CPEB1: variants seen among roughly 807,000 people sequenced by gnomAD.
CPEB1 encodes cytoplasmic polyadenylation element-binding protein 1.
CPEB1 carries 7 observed loss-of-function variants against 65.8 expected under a neutral mutation model. That is an observed-to-expected ratio of 0.11 (90% CI 0.06 to 0.20). The LOEUF (loss-of-function observed/expected upper bound fraction) is 0.20. Ranked by LOEUF, CPEB1 falls within the 10% of genes least tolerant of loss-of-function variation. CPEB1 has a pLI of 1.00. For synonymous variants in CPEB1, 262 were observed against 260.0 expected (o/e 1.01, Z -0.08); for missense variants, 551 against 712.2 (o/e 0.77, Z 2.58).
At chr15:82,637,482 C>T (rs1482645530) in intron 1 of CPEB1, among the ~76,000 whole-genome samples, 1 of 152,148 alleles carries the variant, frequency 6.6e-6, no homozygotes, top group Admixed American at 6.5e-5. Flanking sequence ...CCTGCTCTTC[C>T]CTCTAGTAGC....
intron 3 of CPEB1, among the ~76,000 whole-genome samples, chr15:82,620,960 C>A (rs888776417): frequency 6.6e-6 from 1 of 152,202 alleles, no homozygotes; most frequent in African/African-American, 2.4e-5. Flanking sequence ...TACACTCATA[C>A]TTTTCTGTAA....
rs2037614039 is a variant in CPEB1 at position 82,558,455 on chromosome 15, T to G, written c.461-469A>C. ...TTCAGGCCACACCCCAGAAATCTGGTATAGCATAAGCATACCACCTCATGT... is the reference window on the plus strand; with the variant it reads ...TTCAGGCCACACCCCAGAAATCTGGGATAGCATAAGCATACCACCTCATGT... On this transcript the variant is annotated intron_variant, in intron 4 of 12. Transcript: ENST00000684509. Among the ~76,000 whole-genome samples, 5 of 152,220 alleles carry G rather than the reference T, an allele frequency of 3.3e-5. No individual in the cohort carries two copies. The South Asian group carries it at 1.0e-3, about 31-fold the overall frequency.
At chr15:82,628,683 C>T (rs2045978574) in intron 1 of CPEB1, 127 bp from the exon 2 acceptor site, 1 of 531,448 alleles carries the variant, frequency 1.9e-6, no homozygotes, top group Non-Finnish European at 3.3e-6. Flanking sequence ...CTCCTTACAT[C>T]CGCTCCACAT....
chr15:82,574,666 T>C (rs2040443396), intron 3 of CPEB1, among the ~76,000 whole-genome samples: 1 of 134,216 alleles, frequency 7.5e-6, no homozygotes, highest in Non-Finnish European at 1.5e-5. Flanking sequence ...GAGGTTGCAG[T>C]GAGCCAAGAT....
chr15:82,647,865 C>A, upstream of CPEB1: 1 of 1,267,578 alleles, frequency 7.9e-7, no homozygotes. Context: ...CCAGCGGGAA[C>A]GCCATGGGGC....
At chr15:82,591,258 G>GT (rs112697801) in intron 3 of CPEB1, among the ~76,000 whole-genome samples, 1,859 of 152,138 alleles carry the variant, frequency 0.012, 35 homozygotes, top group African/African-American at 0.041. Context: ...ATTTTCATTT[G>GT]TTTTTTGTTT....
At chr15:82,586,743 T>C (rs982104579) in intron 3 of CPEB1, among the ~76,000 whole-genome samples, 2 of 151,986 alleles carry the variant, frequency 1.3e-5, no homozygotes, top group Non-Finnish European at 2.9e-5. Context: ...GATTCACACA[T>C]ACAGTGCACA....
At chr15:82,579,168 A>C (rs2040973816) in intron 3 of CPEB1, among the ~76,000 whole-genome samples, 1 of 152,166 alleles carries the variant, frequency 6.6e-6, no homozygotes, top group African/African-American at 2.4e-5. Context: ...ATGTCATTAA[A>C]AACTATTTCC....
upstream of CPEB1, chr15:82,647,961 G>A (rs1166715765): frequency 4.7e-6 from 5 of 1,053,816 alleles, no homozygotes; most frequent in South Asian, 4.7e-5. Context: ...TTTTGCAGCG[G>A]GCCGCGCGCA....
intron 3 of CPEB1, among the ~76,000 whole-genome samples, chr15:82,600,614 AT>A (rs2043022024): frequency 6.6e-6 from 1 of 152,206 alleles, no homozygotes; most frequent in African/African-American, 2.4e-5. Context: ...AGGTCCTTGC[AT>A]TTTCTAGGAC....
chr15:82,587,049 C>A (rs567618618), intron 3 of CPEB1, among the ~76,000 whole-genome samples: 1 of 152,142 alleles, frequency 6.6e-6, no homozygotes, highest in Non-Finnish European at 1.5e-5. Flanking sequence ...GGAAATTCAA[C>A]ATAGGAAAAG....
intron 1 of CPEB1, among the ~76,000 whole-genome samples, chr15:82,644,870 T>C (rs587632999): frequency 6.6e-6 from 1 of 152,372 alleles, no homozygotes; most frequent in Admixed American, 6.5e-5. Flanking sequence ...ACTAGTTAAG[T>C]TTGGTGCTGA....
chr15:82,636,214 T>C (rs1378504895), intron 1 of CPEB1, among the ~76,000 whole-genome samples: 7 of 152,178 alleles, frequency 4.6e-5, no homozygotes, highest in African/African-American at 1.7e-4. Context: ...ATATGATCTT[T>C]ATTTAACTTC....
chr15:82,584,560 C>T (rs28535127), intron 3 of CPEB1, among the ~76,000 whole-genome samples: 1 of 151,616 alleles, frequency 6.6e-6, no homozygotes, highest in Non-Finnish European at 1.5e-5. Flanking sequence ...CACCTGTAAT[C>T]TCAGCTACTC....
At chr15:82,631,475 T>A (rs1261736616) in intron 1 of CPEB1, among the ~76,000 whole-genome samples, 1 of 152,100 alleles carries the variant, frequency 6.6e-6, no homozygotes, top group Non-Finnish European at 1.5e-5. Flanking sequence ...TCTACTACTC[T>A]CCTTTGTGTA....
chr15:82,580,209 T>G (rs1380649163), intron 3 of CPEB1, among the ~76,000 whole-genome samples: 1 of 151,470 alleles, frequency 6.6e-6, no homozygotes, highest in East Asian at 1.9e-4. Flanking sequence ...TAGTCCCAGT[T>G]GCTCGAGAGG....
intron 1 of CPEB1, among the ~76,000 whole-genome samples, chr15:82,645,159 T>C (rs1012445123): frequency 2.6e-5 from 4 of 152,170 alleles, no homozygotes; most frequent in Non-Finnish European, 5.9e-5. Context: ...AACCAAGTTT[T>C]GTTTTGTTTT....
chr15:82,603,359 A>C (rs2567631), intron 3 of CPEB1, among the ~76,000 whole-genome samples: 1 of 138,366 alleles, frequency 7.2e-6, no homozygotes, highest in Non-Finnish European at 1.6e-5. Flanking sequence ...GGGAAAGTTT[A>C]TTTAAAAAAA....
intron 1 of CPEB1, among the ~76,000 whole-genome samples, chr15:82,636,703 C>A (rs2046685711): frequency 6.6e-6 from 1 of 152,294 alleles, no homozygotes. Flanking sequence ...CCCTCACAAC[C>A]TGTATCTCAG....
Sources: gnomAD v4.1 joint callset for allele counts (sites outside exome capture counted in the v4.1 genomes callset) on GRCh38, gnomAD v4.1.1 for gene constraint, MANE v1.5 for transcripts, NCBI Gene and HGNC (gene_info 2026-07-23, HGNC 2026-07-21) for gene names.